STK3: variants seen among roughly 807,000 people sequenced by gnomAD.
The protein encoded by STK3 is serine/threonine kinase 3, also known as serine/threonine-protein kinase 3.
In STK3, 41 loss-of-function variants were observed where a neutral mutation model predicts 58.0. The observed-to-expected ratio is 0.71, with a 90% CI of 0.55 to 0.92. The LOEUF (loss-of-function observed/expected upper bound fraction) is 0.92, where lower values mean the gene tolerates loss of function less well. STK3 is among the 40% of genes least tolerant of loss of function. The pLI, the probability that STK3 is intolerant of heterozygous loss-of-function variation, is 0.00. For synonymous variants in STK3, 170 were observed against 191.0 expected (o/e 0.89, Z 0.91); for missense variants, 479 against 602.7 (o/e 0.79, Z 2.15).
chr8:98,695,850 C>T (rs1012216903), intron 6 of STK3, among the ~76,000 whole-genome samples: 2 of 152,132 alleles, frequency 1.3e-5, no homozygotes, highest in Admixed American at 6.5e-5. Flanking sequence ...AATGCGGGCT[C>T]TTTTTGGGTT....
intron 6 of STK3, among the ~76,000 whole-genome samples, chr8:98,682,236 A>C (rs894834757): frequency 2.0e-5 from 3 of 152,242 alleles, no homozygotes; most frequent in Non-Finnish European, 4.4e-5. Flanking sequence ...GTAACAACTC[A>C]CTAATAAAAA....
intron 10 of STK3, among the ~76,000 whole-genome samples, chr8:98,515,607 C>T (rs1824867645): frequency 6.6e-6 from 1 of 152,044 alleles, no homozygotes; most frequent in Non-Finnish European, 1.5e-5. Context: ...TCACTAAAGG[C>T]TTAGTGATAG....
downstream of STK3, among the ~76,000 whole-genome samples, chr8:98,449,981 C>A (rs946558709): frequency 6.6e-6 from 1 of 152,164 alleles, no homozygotes; most frequent in South Asian, 2.1e-4. Flanking sequence ...TGGTTCTTGA[C>A]GTTCCCAGCC....
In STK3 at chr8:98,825,668, C is replaced by A. The variant is rs1835222173; in HGVS notation, c.-128G>T. The stretch of plus-strand genomic sequence containing the variant: ...ACTCTGGGAACTCGGACCAACTTTC[C>A]CGTAACTCCGCGGCGGATCTCCCTC... On this transcript the variant is annotated 5_prime_UTR_variant, in exon 1 of 11. Transcript: ENST00000419617. 8.7e-7 allele frequency: 1 copy of A among 1,152,704 alleles called. No homozygotes were observed. Among genetic ancestry groups the A allele is most frequent in the Non-Finnish European group, 1.1e-6 (1 of 926,728 alleles). The allele number at this position is 1,152,704 out of a possible 1,614,324, so 71.4% of individuals were successfully genotyped here. A position where few individuals can be genotyped will look rare whatever the true frequency, so the allele number is the denominator to read the frequency against.
chr8:98,407,715 T>G (rs1241983697), intron 3 of STK3, among the ~76,000 whole-genome samples: 2 of 13,580 alleles, frequency 1.5e-4, no homozygotes, highest in African/African-American at 3.2e-4. Flanking sequence ...GATGAGTGCA[T>G]GTGTGTGTGT....
At chr8:98,649,697 G>C (rs1013608351) in intron 6 of STK3, among the ~76,000 whole-genome samples, 5 of 152,072 alleles carry the variant, frequency 3.3e-5, no homozygotes, top group Non-Finnish European at 5.9e-5. Context: ...AATTTTCTTA[G>C]TCAACAAGTA....
intron 10 of STK3, among the ~76,000 whole-genome samples, chr8:98,477,267 T>C (rs1312386361): frequency 6.6e-6 from 1 of 151,970 alleles, no homozygotes; most frequent in African/African-American, 2.4e-5. Context: ...TTCATTTCCT[T>C]ACAAAGGCTC....
At chr8:98,555,151 T>G (rs1022095149) in intron 8 of STK3, among the ~76,000 whole-genome samples, 3 of 152,120 alleles carry the variant, frequency 2.0e-5, no homozygotes, top group African/African-American at 7.2e-5. Flanking sequence ...AAAACATTAT[T>G]AGGAAATCCT....
intron 6 of STK3, among the ~76,000 whole-genome samples, chr8:98,695,038 C>A (rs1023232923): frequency 9.9e-5 from 15 of 152,146 alleles, no homozygotes; most frequent in Non-Finnish European, 2.1e-4. Context: ...TTAATGATTG[C>A]CATTCTAACT....
At chr8:98,660,403 G>A (rs973138442) in intron 6 of STK3, among the ~76,000 whole-genome samples, 1 of 151,846 alleles carries the variant, frequency 6.6e-6, no homozygotes, top group Admixed American at 6.6e-5. Flanking sequence ...CAGTTAAGAT[G>A]GTAAATTTTT....
chr8:98,927,336 G>T (rs553647601), intron 1 of STK3, among the ~76,000 whole-genome samples: 2 of 152,266 alleles, frequency 1.3e-5, no homozygotes, highest in South Asian at 4.1e-4. Context: ...ATTCATTGTG[G>T]TTTGGGCATT....
At chr8:98,383,819 G>A (rs930943544) in intron 1 of STK3, among the ~76,000 whole-genome samples, 2 of 152,202 alleles carry the variant, frequency 1.3e-5, no homozygotes, top group African/African-American at 4.8e-5. Context: ...GAGGAAAAAC[G>A]TACAGTCTCA....
chr8:98,423,204 A>G (rs906580124), intron 3 of STK3, among the ~76,000 whole-genome samples: 38 of 152,374 alleles, frequency 2.5e-4, no homozygotes, highest in African/African-American at 9.1e-4. Flanking sequence ...CCTGTATTCA[A>G]TAACTATTTA....
Position 98,455,967 on chromosome 8 carries a change from G to T in STK3, c.1351C>A (p.Arg451=). 1 of 1,611,686 alleles carries T rather than the reference G, an allele frequency of 6.2e-7. No individual in the cohort carries two copies. The highest frequency in any genetic ancestry group is 8.5e-7 in the Non-Finnish European group (1 of 1,178,922). Residue 451 remains arginine, a synonymous_variant, in exon 11 of 11, where the codon CGG becomes AGG. Coordinates refer to ENST00000419617, the MANE Select transcript of STK3 (RefSeq NM_006281.4). ...KNLSLEELQM[R]LKALDPMMER... ...ATCATGGGGTCCAGTGCTTTTAACC[G>T]CATCTGTAGTTCTTCTAAACTTAGA...
chr8:98,579,759 A>G lies in STK3; in HGVS notation c.853T>C (p.Ser285Pro), dbSNP rs1563760718. 2.5e-6 allele frequency: 4 copies of G among 1,596,164 alleles called. No homozygotes were observed. The highest frequency in any genetic ancestry group is 3.4e-6 in the Non-Finnish European group (4 of 1,174,806). Residue 285 changes from serine to proline, a missense_variant, in exon 8 of 11, where the codon TCA becomes CCA. Coordinates refer to ENST00000419617, the MANE Select transcript of STK3 (RefSeq NM_006281.4). ...TCTGTGATCAGGTCTCTTAATATTG[A>G]TACAGGTTTGGCATTCTTGATAAAA... ...HPFIKNAKPV[S>P]ILRDLITEAM... is the part of the protein sequence containing the mutation.
intron 3 of STK3, among the ~76,000 whole-genome samples, chr8:98,394,242 A>G (rs1817875635): frequency 6.6e-6 from 1 of 152,218 alleles, no homozygotes; most frequent in African/African-American, 2.4e-5. Context: ...TAGGAGAAAG[A>G]TGAAAGGCTA....
chr8:98,612,254 A>T (rs1407032801), intron 6 of STK3, among the ~76,000 whole-genome samples: 1 of 150,692 alleles, frequency 6.6e-6, no homozygotes, highest in Non-Finnish European at 1.5e-5. Flanking sequence ...CATTATGAAT[A>T]AACAAGCATA....
At chr8:98,449,944 C>T (rs927231704), downstream of STK3, among the ~76,000 whole-genome samples, 2 of 152,194 alleles carry the variant, frequency 1.3e-5, no homozygotes, top group Non-Finnish European at 2.9e-5. Context: ...GAGGCTCTCA[C>T]CAGAAGCCAA....
At position 98,427,778 on chromosome 8, in the gene STK3, T is replaced by A. The variant is rs10111589; in HGVS notation, n.483+6349A>T. On this transcript the variant is annotated intron_variant and non_coding_transcript_variant, in intron 3 of 3. Transcript: ENST00000517832. ...AATAGAAACATACCCACCCCCAGCC[T>A]TTCCTGGGAGGGGATCAGACCCCTC... 2,497 of 542,850 alleles carry A rather than the reference T, an allele frequency of 4.6e-3. 48 individuals are homozygous for A. Among genetic ancestry groups the A allele is most frequent in the African/African-American group, 0.041 (2,097 of 51,700 alleles). The allele number at this position is 542,850 out of a possible 1,614,324, so 33.6% of individuals were successfully genotyped here.
Sources: gnomAD v4.1 joint callset for allele counts (sites outside exome capture counted in the v4.1 genomes callset) on GRCh38, gnomAD v4.1.1 for gene constraint, MANE v1.5 for transcripts, NCBI Gene and HGNC (gene_info 2026-07-23, HGNC 2026-07-21) for gene names.